ZCWPW2: variants seen among roughly 807,000 people sequenced by gnomAD.
The protein encoded by ZCWPW2 is zinc finger CW-type and PWWP domain containing 2.
ZCWPW2 carries 45 observed loss-of-function variants against 46.6 expected under a neutral mutation model. That is an observed-to-expected ratio of 0.96 (90% CI 0.76 to 1.24). The LOEUF is 1.24. Among genes scored for constraint, ZCWPW2 ranks in the 50% most tolerant of loss-of-function variants. ZCWPW2 has a pLI of 0.00. For synonymous variants in ZCWPW2, 152 were observed against 137.1 expected (o/e 1.11, Z -0.76); for missense variants, 429 against 403.9 (o/e 1.06, Z -0.53).
intron 4 of ZCWPW2, among the ~76,000 whole-genome samples, chr3:28,440,406 T>C (rs1697703613): frequency 6.6e-6 from 1 of 152,130 alleles, no homozygotes; most frequent in Non-Finnish European, 1.5e-5. Flanking sequence ...TACTAGTGGA[T>C]CACTAGCAGT....
intron 1 of ZCWPW2, among the ~76,000 whole-genome samples, chr3:28,366,676 T>G (rs1248227047): frequency 2.0e-5 from 3 of 151,758 alleles, no homozygotes; most frequent in Non-Finnish European, 4.4e-5. Flanking sequence ...TTAGGGAGGA[T>G]TCCCTCTTTT....
chr3:28,520,897 T>C, intron 8 of ZCWPW2, 95 bp from the exon 9 acceptor site: 1 of 1,441,598 alleles, frequency 6.9e-7, no homozygotes, highest in Non-Finnish European at 9.5e-7. Context: ...CTTGTAGCAT[T>C]TAAAAGATTT....
At chr3:28,411,751 T>C (rs934150955) in intron 2 of ZCWPW2, among the ~76,000 whole-genome samples, 1 of 152,070 alleles carries the variant, frequency 6.6e-6, no homozygotes, top group Non-Finnish European at 1.5e-5. Flanking sequence ...GTTTTTGCCT[T>C]TATGCATTTT....
intron 2 of ZCWPW2, among the ~76,000 whole-genome samples, chr3:28,409,862 G>C (rs1234500742): frequency 6.6e-6 from 1 of 152,082 alleles, no homozygotes; most frequent in Non-Finnish European, 1.5e-5. Context: ...CAGTGTCAAA[G>C]TAAATGAACT....
chr3:28,495,593 T>C (rs1444928486), intron 6 of ZCWPW2, among the ~76,000 whole-genome samples: 2 of 152,098 alleles, frequency 1.3e-5, no homozygotes, highest in East Asian at 3.9e-4. Flanking sequence ...ATTTATGAAC[T>C]TGTATGGTAA....
chr3:28,355,237 C>T (rs1391657134), intron 1 of ZCWPW2, among the ~76,000 whole-genome samples: 1 of 152,208 alleles, frequency 6.6e-6, no homozygotes, highest in Non-Finnish European at 1.5e-5. Flanking sequence ...CATGAGTGAA[C>T]TCCCATTCAC....
chr3:28,387,966 G>C (rs1279825707), intron 1 of ZCWPW2, among the ~76,000 whole-genome samples: 1 of 152,144 alleles, frequency 6.6e-6, no homozygotes, highest in Non-Finnish European at 1.5e-5. Context: ...TATAGAGAGA[G>C]ATTTATTTCA....
At chr3:28,460,970 T>G (rs1025199369) in intron 4 of ZCWPW2, 6 of 258,782 alleles carry the variant, frequency 2.3e-5, no homozygotes, top group African/African-American at 6.6e-5. Context: ...TTCTTTAGAT[T>G]ATGAGATCTA....
rs148810964 is a variant in ZCWPW2 at position 28,354,301 on chromosome 3, C to T, written c.-134+5098C>T. Among the ~76,000 whole-genome samples the T allele has an allele frequency of 7.1e-3, 1,067 of 150,336 alleles. 10 individuals carry two copies. Among genetic ancestry groups the T allele is most frequent in the African/African-American group, 0.024 (979 of 41,150 alleles). On this transcript the variant is annotated intron_variant, in intron 1 of 9. Transcript: ENST00000383768. ...ACACATACACCCTCCCAAGACTAAA[C>T]CAGGAAGAAGTTGAATCCCTGAATA... is the stretch of plus-strand genomic sequence containing the variant.
In ZCWPW2 at chr3:28,492,146, C is replaced by G. The variant is rs1699833447; in HGVS notation, c.630C>G (p.Asp210Glu). The change falls in exon 6 of 10, where the codon GAC (aspartate) becomes GAG (glutamate). Residue 210 changes from aspartate (D) to glutamate (E), a missense_variant. Physicochemically the swap from Asp to Glu is conservative, Grantham distance 45. Transcript: ENST00000383768. Reference sequence around the variant, plus strand: ...TTACAGATAAATCCGAAACACATGACAAAGTTGCTGCACTGGTCAAGAAAA... The same window carrying G: ...TTACAGATAAATCCGAAACACATGAGAAAGTTGCTGCACTGGTCAAGAAAA... ...SKLQDKSETH[D>E]KVAALVKKRK... The G allele has an allele frequency of 6.2e-7, 1 of 1,609,494 alleles. No homozygotes were observed. The highest frequency in any genetic ancestry group is 8.5e-7 in the Non-Finnish European group (1 of 1,178,082).
intron 6 of ZCWPW2, among the ~76,000 whole-genome samples, chr3:28,503,914 TG>T (rs1290491031): frequency 1.3e-5 from 2 of 152,030 alleles, no homozygotes; most frequent in Non-Finnish European, 2.9e-5. Context: ...ACCTTTACTT[TG>T]CCAAGCAGGG....
chr3:28,371,563 G>A (rs1705334984), intron 1 of ZCWPW2, among the ~76,000 whole-genome samples: 1 of 152,300 alleles, frequency 6.6e-6, no homozygotes, highest in South Asian at 2.1e-4. Flanking sequence ...GAAGTCTAAG[G>A]TGGGAGGATC....
At position 28,524,705 on chromosome 3, in the gene ZCWPW2, C is replaced by A. The variant is rs758462225; in HGVS notation, c.*17C>A. On this transcript the variant is annotated 3_prime_UTR_variant, in exon 10 of 10. Coordinates refer to ENST00000383768, the MANE Select transcript of ZCWPW2 (RefSeq NM_001040432.4). ...GAGTTTTAGAACATTATACATTTTT[C>A]AAATTAATTATAAAAATATTGGCAT... is the stretch of plus-strand genomic sequence containing the variant. 1 of 1,444,844 alleles carries A rather than the reference C, an allele frequency of 6.9e-7. No homozygotes were observed. Among genetic ancestry groups the A allele is most frequent in the Non-Finnish European group, 9.2e-7 (1 of 1,087,180 alleles). 89.5% of individuals were successfully genotyped at this position (1,444,844 alleles called of 1,614,324 possible).
chr3:28,470,474 C>G (rs1698997120), intron 4 of ZCWPW2, among the ~76,000 whole-genome samples: 1 of 124,114 alleles, frequency 8.1e-6, no homozygotes, highest in Non-Finnish European at 1.6e-5. Flanking sequence ...AGCCTGGTGA[C>G]AGAGCGAGAC....
At chr3:28,473,771 A>G (rs900486914) in intron 4 of ZCWPW2, among the ~76,000 whole-genome samples, 2 of 152,226 alleles carry the variant, frequency 1.3e-5, no homozygotes, top group Admixed American at 1.3e-4. Context: ...TGAAATAAGC[A>G]CAGAAAGATA....
Position 28,408,067 on chromosome 3 carries a change from C to A in ZCWPW2, c.-13-4989C>A, listed in dbSNP as rs148109995. 2.5e-3 allele frequency among the ~76,000 whole-genome samples: 387 copies of A among 152,222 alleles called. 1 individual carries two copies. Among genetic ancestry groups the A allele is most frequent in the African/African-American group, 8.4e-3 (351 of 41,548 alleles). On this transcript the variant is annotated intron_variant, in intron 2 of 9. Transcript: ENST00000383768. The stretch of plus-strand genomic sequence containing the variant: ...TTCTGGTAGCCTGGATAAAACGTAT[C>A]AAATCTAAAATACCAAGAGGTTTAA...
chr3:28,459,277 G>C (rs1279979317), intron 4 of ZCWPW2, among the ~76,000 whole-genome samples: 2 of 152,126 alleles, frequency 1.3e-5, no homozygotes, highest in Non-Finnish European at 2.9e-5. Context: ...GGCTGAGGCA[G>C]GAAAATGGCG....
chr3:28,451,860 A>G (rs748121744), intron 4 of ZCWPW2, among the ~76,000 whole-genome samples: 2 of 152,226 alleles, frequency 1.3e-5, no homozygotes, highest in African/African-American at 2.4e-5. Context: ...ACTAAAAACT[A>G]AAAAACTCTT....
intron 1 of ZCWPW2, among the ~76,000 whole-genome samples, chr3:28,370,655 A>G (rs1219994823): frequency 6.6e-6 from 1 of 152,202 alleles, no homozygotes; most frequent in African/African-American, 2.4e-5. Flanking sequence ...ACATGACTAT[A>G]TTCACTTTGT....
Sources: allele counts gnomAD v4.1 joint callset (sites outside exome capture counted in the v4.1 genomes callset), GRCh38; gene constraint gnomAD v4.1.1; transcripts MANE v1.5; gene names NCBI Gene and HGNC (gene_info 2026-07-23, HGNC 2026-07-21).